TNFRSF19: variants seen among roughly 807,000 people sequenced by gnomAD.
TNFRSF19 encodes the protein TNF receptor superfamily member 19.
TNFRSF19 carries 27 observed loss-of-function variants against 46.4 expected under a neutral mutation model. The observed-to-expected ratio is 0.58, with a 90% CI of 0.43 to 0.80. The LOEUF is 0.80. Ranked by LOEUF, TNFRSF19 falls within the 30% of genes least tolerant of loss-of-function variation. TNFRSF19 has a pLI of 0.00. For synonymous variants in TNFRSF19, 204 were observed against 205.0 expected (o/e 1.00, Z 0.04); for missense variants, 511 against 530.8 (o/e 0.96, Z 0.37).
intron 5 of TNFRSF19, among the ~76,000 whole-genome samples, chr13:23,652,482 A>G (rs1344239487): frequency 6.6e-6 from 1 of 152,216 alleles, no homozygotes; most frequent in Non-Finnish European, 1.5e-5. Flanking sequence ...TGATGACTCC[A>G]TGAAGCGCTA....
intron 1 of TNFRSF19, among the ~76,000 whole-genome samples, chr13:23,581,948 G>A (rs541443775): frequency 6.6e-6 from 1 of 152,254 alleles, no homozygotes; most frequent in South Asian, 2.1e-4. Flanking sequence ...TATTTGTGTT[G>A]ACTACAGATT....
At chr13:23,639,433 G>A (rs866918374) in intron 5 of TNFRSF19, among the ~76,000 whole-genome samples, 29 of 152,260 alleles carry the variant, frequency 1.9e-4, no homozygotes, top group Middle Eastern at 3.4e-3. Context: ...TATAGCCCCC[G>A]TAGCAGGTGT....
At chr13:23,623,019 AGAGTT>A (rs1320477531) in intron 4 of TNFRSF19, among the ~76,000 whole-genome samples, 1 of 152,234 alleles carries the variant, frequency 6.6e-6, no homozygotes, top group African/African-American at 2.4e-5. Context: ...GCAGTTCAGT[AGAGTT>A]AAGTATATTC....
Position 23,669,061 on chromosome 13 carries a change from T to C in TNFRSF19, c.1209T>C (p.Gly403=), listed in dbSNP as rs3751363. Residue 403 remains glycine, a synonymous_variant, in exon 9 of 10, where the codon GGT becomes GGC. Transcript: ENST00000248484. ...TMRSQLDQES[G]AVIHPATQTS... The stretch of plus-strand genomic sequence containing the variant: ...GAAGCCAGCTAGATCAGGAGAGTGG[T>C]GCTGTCATCCACCCAGCCACTCAGA... 1,403,188 of 1,613,866 alleles carry C rather than the reference T, an allele frequency of 0.87. 611,153 individuals are homozygous for C. Among genetic ancestry groups the C allele is most frequent in the Admixed American group, 0.92 (55,064 of 60,014 alleles).
At position 23,659,078 on chromosome 13, in the gene TNFRSF19, C is replaced by T. The variant is rs564197373; in HGVS notation, c.474C>T (p.Ile158=). The part of the protein sequence containing the change: ...HCASKVNLVK[I]ASTASSPRDT... ...CCAGCAAGGTCAACCTCGTGAAGAT[C>T]GCGTCCACGGCCTCCAGCCCACGGG... Residue 158 remains isoleucine (I), a synonymous_variant, in exon 6 of 10, where the codon ATC becomes ATT. Transcript: ENST00000248484. This position sits in a 1 kb window ranked among gnomAD's most constrained non-coding sequence, Gnocchi z 4.9. The T allele has an allele frequency of 8.1e-6, 13 of 1,613,918 alleles. No individual in the cohort carries two copies. Among genetic ancestry groups the T allele is most frequent in the East Asian group, 2.2e-5 (1 of 44,886 alleles).
chr13:23,608,240 G>A (rs76422816), intron 3 of TNFRSF19, among the ~76,000 whole-genome samples: 10,362 of 152,158 alleles, frequency 0.068, 446 homozygotes, highest in South Asian at 0.11. Context: ...TATTTTAACT[G>A]TTTACCTTGG....
chr13:23,577,482 C>T (rs1042167229), intron 1 of TNFRSF19, among the ~76,000 whole-genome samples: 1 of 152,168 alleles, frequency 6.6e-6, no homozygotes, highest in African/African-American at 2.4e-5. Context: ...TGCCCCTTCT[C>T]TGAAAGTGTT....
intron 3 of TNFRSF19, among the ~76,000 whole-genome samples, chr13:23,599,985 C>A (rs1002237688): frequency 7.9e-5 from 12 of 152,058 alleles, no homozygotes; most frequent in Admixed American, 7.9e-4. Flanking sequence ...CTTCTTTTCC[C>A]AAATCTCAGT....
intron 9 of TNFRSF19, among the ~76,000 whole-genome samples, chr13:23,670,554 T>A (rs928945729): frequency 2.0e-4 from 31 of 152,356 alleles, no homozygotes; most frequent in African/African-American, 7.5e-4. Context: ...TCTTGTTCTT[T>A]TGAGCCATCC....
intron 5 of TNFRSF19, among the ~76,000 whole-genome samples, chr13:23,653,094 C>G (rs1465735575): frequency 2.6e-5 from 4 of 152,172 alleles, no homozygotes; most frequent in South Asian, 2.1e-4. Flanking sequence ...CTTCCTGCCC[C>G]CTGTGCTAAG....
In TNFRSF19 at chr13:23,638,008, G is replaced by A. The variant is rs539877987; in HGVS notation, c.445+11216G>A. On this transcript the variant is annotated intron_variant, in intron 5 of 9. Transcript: ENST00000248484. Reference sequence around the variant, plus strand: ...GTCTCTGTTGGATTCCCAGATGGCAGCGCCAGTTGAAGCACACTATTTTTG... The same window carrying A: ...GTCTCTGTTGGATTCCCAGATGGCAACGCCAGTTGAAGCACACTATTTTTG... Among the ~76,000 whole-genome samples, 452 of 152,352 alleles carry A rather than the reference G, an allele frequency of 3.0e-3. 3 individuals carry two copies. Among genetic ancestry groups the A allele is most frequent in the Admixed American group, 6.5e-3 (100 of 15,308 alleles).
chr13:23,581,120 TTTTTTTCTTTTC>T (rs1878382289), intron 1 of TNFRSF19, among the ~76,000 whole-genome samples: 1 of 145,208 alleles, frequency 6.9e-6, no homozygotes, highest in Admixed American at 6.7e-5. Context: ...GTGCCTTTTC[TTTTTTTCTTTTC>T]TTTTTTTTTT....
intron 9 of TNFRSF19, among the ~76,000 whole-genome samples, chr13:23,671,219 A>G (rs921868339): frequency 6.6e-6 from 1 of 152,314 alleles, no homozygotes; most frequent in Non-Finnish European, 1.5e-5. Context: ...ATTTATATAC[A>G]CTTTCAACTC....
chr13:23,593,853 G>A (rs1879500625), intron 3 of TNFRSF19, among the ~76,000 whole-genome samples: 1 of 152,170 alleles, frequency 6.6e-6, no homozygotes, highest in Non-Finnish European at 1.5e-5. Flanking sequence ...AGCTCCCAGC[G>A]AGATCAGTGC....
chr13:23,672,470 T>G (rs1003256267), intron 9 of TNFRSF19, among the ~76,000 whole-genome samples: 1 of 152,196 alleles, frequency 6.6e-6, no homozygotes, highest in Admixed American at 6.5e-5. Context: ...TCTATTGAAA[T>G]GTCTACTTTT....
intron 1 of TNFRSF19, among the ~76,000 whole-genome samples, chr13:23,571,539 C>T (rs1303716203): frequency 1.3e-5 from 2 of 152,144 alleles, no homozygotes; most frequent in African/African-American, 4.8e-5. Context: ...CAGAAACATT[C>T]ACAAGGTTAA....
intron 1 of TNFRSF19, among the ~76,000 whole-genome samples, chr13:23,582,155 C>T (rs141008829): frequency 0.074 from 10,482 of 141,862 alleles, 521 homozygotes; most frequent in East Asian, 0.21. Context: ...CCGAGGCGGG[C>T]GGATCAGGTG....
At chr13:23,590,065 T>C (rs7317580) in intron 1 of TNFRSF19, 85 bp from the exon 2 acceptor site, 136,054 of 595,628 alleles carry the variant, frequency 0.23, 16,736 homozygotes, top group African/African-American at 0.38. Context: ...CTAGTCTATA[T>C]AGTAAGTGGT....
intron 1 of TNFRSF19, among the ~76,000 whole-genome samples, chr13:23,587,902 G>C (rs1878962444): frequency 6.6e-6 from 1 of 152,184 alleles, no homozygotes; most frequent in Non-Finnish European, 1.5e-5. Context: ...GTCTTCAGAT[G>C]CCTTCTGCAG....
Sources: gnomAD v4.1 joint callset for allele counts (sites outside exome capture counted in the v4.1 genomes callset) on GRCh38, gnomAD v4.1.1 for gene constraint, Gnocchi (gnomAD v3.1) non-coding constraint, MANE v1.5 for transcripts, NCBI Gene and HGNC (gene_info 2026-07-23, HGNC 2026-07-21) for gene names.